Variants in FOCAD observed in about 807,000 individuals in gnomAD.
The protein encoded by FOCAD is focadhesin.
Under a neutral mutation model 225.6 loss-of-function variants are expected in FOCAD, and 198 were observed. The ratio of observed to expected loss-of-function variants is 0.88; its 90% CI spans 0.78 to 0.99. The LOEUF is 0.99. FOCAD is among the 50% of genes least tolerant of loss of function. FOCAD has a pLI of 0.00. For missense variants in FOCAD, 2,713 were observed against 2,123.6 expected, an observed-to-expected ratio of 1.28 and a Z score of -5.46; for synonymous variants, 897 against 755.0, an observed-to-expected ratio of 1.19 and a Z score of -3.08.
chr9:20,684,152 C>T (rs1822509161), upstream of FOCAD: 1 of 152,252 alleles, frequency 6.6e-6, no homozygotes, highest in Non-Finnish European at 1.5e-5. Context: ...GAGGGCGGGC[C>T]CCAGCCGGAG....
intron 35 of FOCAD, among the ~76,000 whole-genome samples, chr9:20,967,792 G>A (rs952309914): frequency 2.6e-5 from 4 of 152,044 alleles, no homozygotes; most frequent in South Asian, 4.1e-4. Context: ...ATTTTCTTAT[G>A]TTGAACAAAC....
At chr9:20,976,300 G>T (rs567168777) in intron 35 of FOCAD, 120 bp from the exon 36 acceptor site, 3 of 882,472 alleles carry the variant, frequency 3.4e-6, no homozygotes, top group Non-Finnish European at 5.2e-6. Flanking sequence ...AGCGTTGATC[G>T]CAATTGAATA....
chr9:20,875,426 GT>G (rs1184699053), intron 19 of FOCAD: 2 of 152,100 alleles, frequency 1.3e-5, no homozygotes, highest in African/African-American at 4.8e-5. Flanking sequence ...ATTGCTTGAG[GT>G]CAGGAGTTAA....
intron 1 of FOCAD, among the ~76,000 whole-genome samples, chr9:20,695,894 G>C (rs1823332242): frequency 6.6e-6 from 1 of 152,192 alleles, no homozygotes; most frequent in African/African-American, 2.4e-5. Context: ...GTTGTGTATA[G>C]TCAAGATTGG....
chr9:20,686,030 T>A (rs536994817), intron 1 of FOCAD, among the ~76,000 whole-genome samples: 20 of 152,360 alleles, frequency 1.3e-4, no homozygotes, highest in African/African-American at 4.8e-4. Context: ...GTCTGAGACA[T>A]AATATTCTTA....
chr9:20,825,167 G>GTGTT (rs981567623), intron 15 of FOCAD, among the ~76,000 whole-genome samples: 2 of 151,472 alleles, frequency 1.3e-5, no homozygotes, highest in African/African-American at 2.4e-5. Context: ...GTGTGTGTGT[G>GTGTT]TGTGTGTGTG....
intron 11 of FOCAD, among the ~76,000 whole-genome samples, chr9:20,796,212 C>T (rs996177014): frequency 4.6e-5 from 7 of 152,122 alleles, no homozygotes; most frequent in South Asian, 2.1e-4. Context: ...TCCAGTCCAC[C>T]GTTGTTGGAC....
chr9:20,982,904 T>C (rs1021495802), intron 39 of FOCAD, among the ~76,000 whole-genome samples: 1 of 152,212 alleles, frequency 6.6e-6, no homozygotes, highest in Non-Finnish European at 1.5e-5. Flanking sequence ...TAATGAATCA[T>C]TTCTTAGTAC....
In FOCAD at chr9:20,912,890, C is replaced by G; in HGVS notation, c.2743C>G (p.Gln915Glu). The G allele has an allele frequency of 6.2e-7, 1 of 1,613,168 alleles. No individual in the cohort carries two copies. Residue 915 changes from glutamine to glutamate, a missense_variant, in exon 23 of 44, where the codon CAG becomes GAG. Transcript: ENST00000338382. ...GGGAAGACTAGGAGAGCTGGAGTTG[C>G]AGTTAAAACATGGAAAAGAAGAACC... ...LQGRLGELEL[Q>E]LKHGKEEPEE... is the part of the protein sequence containing the mutation.
At chr9:20,991,747 A>G (rs1318351638) in intron 42 of FOCAD, among the ~76,000 whole-genome samples, 2 of 137,660 alleles carry the variant, frequency 1.5e-5, no homozygotes, top group Non-Finnish European at 3.0e-5. Context: ...CAGGAGGCGG[A>G]GGTTGCAGTG....
chr9:20,962,997 G>A (rs962028533), intron 35 of FOCAD, among the ~76,000 whole-genome samples: 7 of 152,046 alleles, frequency 4.6e-5, no homozygotes, highest in Admixed American at 1.3e-4. Context: ...CTTGGCTTTG[G>A]GACTCCCTCT....
intron 8 of FOCAD, among the ~76,000 whole-genome samples, chr9:20,771,510 GC>G (rs1421702947): frequency 6.6e-6 from 1 of 152,162 alleles, no homozygotes; most frequent in African/African-American, 2.4e-5. Flanking sequence ...TGTAATCCCA[GC>G]ACTTTGGGAG....
intron 1 of FOCAD, among the ~76,000 whole-genome samples, chr9:20,699,298 T>C (rs1490275550): frequency 1.3e-5 from 2 of 152,152 alleles, no homozygotes; most frequent in African/African-American, 4.8e-5. Context: ...CTTTTGAAGA[T>C]TGGCTTTATT....
intron 15 of FOCAD, among the ~76,000 whole-genome samples, chr9:20,824,167 A>C (rs1824633966): frequency 6.6e-6 from 1 of 152,132 alleles, no homozygotes; most frequent in Non-Finnish European, 1.5e-5. Context: ...GCAGGAGAAT[A>C]CCACACATGC....
intron 40 of FOCAD, 29 bp downstream of exon 40, chr9:20,986,494 A>C (rs1841187604): frequency 1.3e-6 from 2 of 1,563,026 alleles, no homozygotes; most frequent in Admixed American, 3.9e-5. Flanking sequence ...GAACATCAGA[A>C]ACAGGAATAG....
chr9:20,949,424 A>G lies in FOCAD; in HGVS notation c.3877-180A>G, dbSNP rs185430881. ...ACAGTGAACAGGTACCAGGAAATCA[A>G]TGATAGATAAAGCATGGGGCCCTGC... is the stretch of plus-strand genomic sequence containing the variant. On this transcript the variant is annotated intron_variant, in intron 32 of 43. Transcript: ENST00000338382. 1.1e-4 allele frequency among the ~76,000 whole-genome samples: 17 copies of G among 152,304 alleles called. No individual in the cohort carries two copies. The East Asian group carries it at 3.3e-3, about 29-fold the overall frequency.
chr9:20,767,253 T>A (rs2130972574), intron 7 of FOCAD, among the ~76,000 whole-genome samples: 1 of 151,406 alleles, frequency 6.6e-6, no homozygotes, highest in Admixed American at 6.6e-5. Flanking sequence ...GTTCCAAGTC[T>A]TTGCTATTGT....
chr9:20,939,051 G>A (rs914459719), intron 28 of FOCAD, among the ~76,000 whole-genome samples: 1 of 149,472 alleles, frequency 6.7e-6, no homozygotes, highest in Non-Finnish European at 1.5e-5. Flanking sequence ...TCAGGAGGCT[G>A]AGGCAGTAGT....
chr9:20,689,391 G>C, intron 1 of FOCAD, among the ~76,000 whole-genome samples: 1 of 151,536 alleles, frequency 6.6e-6, no homozygotes, highest in Non-Finnish European at 1.5e-5. Context: ...TGCCTATGGT[G>C]GTGATCACTA....
Sources: allele counts gnomAD v4.1 joint callset (sites outside exome capture counted in the v4.1 genomes callset), GRCh38; gene constraint gnomAD v4.1.1; transcripts MANE v1.5; gene names NCBI Gene and HGNC (gene_info 2026-07-23, HGNC 2026-07-21).